ATG12: variants seen among roughly 807,000 people sequenced by gnomAD.
The protein encoded by ATG12 is ubiquitin-like protein ATG12.
Under a neutral mutation model 17.6 loss-of-function variants are expected in ATG12, and 19 were observed. The observed-to-expected ratio is 1.08, with a 90% confidence interval of 0.75 to 1.58. The LOEUF (loss-of-function observed/expected upper bound fraction) is 1.58, where lower values mean the gene tolerates loss of function less well. Ranked by LOEUF, ATG12 falls within the 40% of genes most tolerant of loss-of-function variation. The pLI is 0.00. For synonymous variants in ATG12, 75 were observed against 62.4 expected, an observed-to-expected ratio of 1.20 and a Z score of -0.95; for missense variants, 214 against 162.0, an observed-to-expected ratio of 1.32 and a Z score of -1.74.
Position 115,841,534 on chromosome 5 carries a change from A to C in ATG12, c.19T>G (p.Ser7Ala). The C allele has an allele frequency of 1.2e-6, 2 of 1,613,200 alleles. No homozygotes were observed. The highest frequency in any genetic ancestry group is 2.2e-5 in the East Asian group (1 of 44,816). Reference protein sequence around the residue: MAEEPQSVLQLPTSIAA... With the variant: MAEEPQAVLQLPTSIAA... ...ATTGAAGTAGGAAGCTGCAACACAG[A>C]CTGCGGCTCCTCCGCCATCTTGCTT... Residue 7 changes from serine (S) to alanine (A), a missense_variant, in exon 1 of 4, where the codon TCT (serine) becomes GCT (alanine). Coordinates refer to ENST00000509910, the MANE Select transcript of ATG12 (RefSeq NM_004707.4).
intron 2 of ATG12, chr5:115,834,204 G>A (rs1760999438): frequency 6.6e-6 from 1 of 152,224 alleles, no homozygotes; most frequent in African/African-American, 2.4e-5. Context: ...TGTGTTCACA[G>A]AAAACAGCAG....
chr5:115,831,982 T>A, intron 3 of ATG12, 119 bp from the exon 4 acceptor site: 3 of 889,458 alleles, frequency 3.4e-6, no homozygotes, highest in Non-Finnish European at 5.2e-6. Context: ...TTACCTATGT[T>A]ACAGGCTATC....
intron 3 of ATG12, 35 bp downstream of exon 3, chr5:115,832,567 C>CTTTTTTTTTTT (rs1561450485): frequency 1.9e-6 from 2 of 1,031,940 alleles, no homozygotes; most frequent in African/African-American, 3.1e-5. Flanking sequence ...GCAGTAATTT[C>CTTTTTTTTTTT]TTTCTTTTTT....
rs770964126 is a variant in ATG12, at chr5:115,829,186, A to T, written c.*2618T>A. On this transcript the variant is annotated 3_prime_UTR_variant, in exon 4 of 4. Coordinates refer to ENST00000509910, the MANE Select transcript of ATG12 (RefSeq NM_004707.4). ...GCCTGTAGCTGGCTTCCTTAGTGCC[A>T]AAAGTTTACTCAGCATATTATAATC... 3 of 152,238 alleles carry T rather than the reference A, an allele frequency of 2.0e-5. No individual in the cohort carries two copies. The highest frequency in any genetic ancestry group is 4.4e-5 in the Non-Finnish European group (3 of 68,048). The allele number at this position is 152,238 out of a possible 1,614,324, so 9.4% of individuals were successfully genotyped here.
Position 115,831,694 on chromosome 5 carries a change from T to A in ATG12, c.*110A>T. On this transcript the variant is annotated 3_prime_UTR_variant, in exon 4 of 4. Transcript: ENST00000509910. ...GCATAAACATAGAGTAGACACATAC[T>A]AAATAGATCACATCTGTTAAGTCTC... 1 of 994,778 alleles carries A rather than the reference T, an allele frequency of 1.0e-6. No individual in the cohort carries two copies. The highest frequency in any genetic ancestry group is 1.4e-5 in the South Asian group (1 of 70,920). The allele number at this position is 994,778 out of a possible 1,614,324, so 61.6% of individuals were successfully genotyped here.
At position 115,835,911 on chromosome 5, in the gene ATG12, C is replaced by G. The variant is rs115688986; in HGVS notation, c.300+1717G>C. 8.1e-3 allele frequency among the ~76,000 whole-genome samples: 1,232 copies of G among 152,146 alleles called. 17 individuals are homozygous for G. Among genetic ancestry groups the G allele is most frequent in the African/African-American group, 0.028 (1,151 of 41,488 alleles). The stretch of plus-strand genomic sequence containing the variant: ...TTATCACCTAGTTTTGTTACAAATA[C>G]TAATCAGGGGTTTTTGGTTTTGCTA... On this transcript the variant is annotated intron_variant, in intron 2 of 3. Transcript: ENST00000509910.
intron 1 of ATG12, among the ~76,000 whole-genome samples, chr5:115,839,953 T>C (rs907835554): frequency 5.9e-5 from 9 of 152,234 alleles, no homozygotes; most frequent in African/African-American, 1.4e-4. Flanking sequence ...CAAGAAAATA[T>C]GCCCTCGGGC....
chr5:115,829,198 A>G lies in ATG12; in HGVS notation c.*2606T>C, dbSNP rs1260644019. The stretch of plus-strand genomic sequence containing the variant: ...CTTCCTTAGTGCCAAAAGTTTACTC[A>G]GCATATTATAATCCTTGGAAAATGA... On this transcript the variant is annotated 3_prime_UTR_variant, in exon 4 of 4. Transcript: ENST00000509910. 6.6e-6 allele frequency: 1 copy of G among 152,222 alleles called. No homozygotes were observed. The highest frequency in any genetic ancestry group is 1.5e-5 in the Non-Finnish European group (1 of 68,038). The allele number at this position is 152,222 out of a possible 1,614,324, so 9.4% of individuals were successfully genotyped here.
In ATG12 at chr5:115,837,770, A is replaced by G; in HGVS notation, c.164-6T>C. 1 of 1,587,586 alleles carries G rather than the reference A, an allele frequency of 6.3e-7. No homozygotes were observed. Among genetic ancestry groups the G allele is most frequent in the Non-Finnish European group, 8.5e-7 (1 of 1,171,768 alleles). On this transcript the variant is annotated splice_region_variant and splice_polypyrimidine_tract_variant and intron_variant, in intron 1 of 3. Transcript: ENST00000509910. ...AGCCTTTAGCAAAATGTCAACTGTA[A>G]AAGAAGAATAAAATTTACTGACAAT...
chr5:115,837,862 C>T (rs1413947177), intron 1 of ATG12, 98 bp from the exon 2 acceptor site: 11 of 985,886 alleles, frequency 1.1e-5, no homozygotes, highest in Middle Eastern at 4.4e-4. Flanking sequence ...TAATCTACAT[C>T]CATCTTACGT....
chr5:115,835,809 T>C (rs977441867), intron 2 of ATG12, among the ~76,000 whole-genome samples: 1 of 152,222 alleles, frequency 6.6e-6, no homozygotes. Context: ...TCAGCACAGA[T>C]GCTGATACCA....
At chr5:115,831,980 G>T (rs1270947293) in intron 3 of ATG12, 117 bp from the exon 4 acceptor site, 2 of 898,276 alleles carry the variant, frequency 2.2e-6, no homozygotes, top group African/African-American at 1.7e-5. Flanking sequence ...AGTTACCTAT[G>T]TTACAGGCTA....
At chr5:115,832,439 T>A (rs936011956) in intron 3 of ATG12, among the ~76,000 whole-genome samples, 163 bp downstream of exon 3, 1 of 151,970 alleles carries the variant, frequency 6.6e-6, no homozygotes, top group Non-Finnish European at 1.5e-5. Flanking sequence ...AAGAAAGTCA[T>A]CTTTTCTACC....
intron 1 of ATG12, chr5:115,840,685 T>C: frequency 8.3e-7 from 1 of 1,203,962 alleles, no homozygotes. Context: ...ATATGCTGCT[T>C]TTCCCATAGG....
intron 2 of ATG12, chr5:115,833,695 T>C (rs984586055): frequency 5.9e-5 from 9 of 152,212 alleles, no homozygotes; most frequent in African/African-American, 1.9e-4. Context: ...AAATAGTTCA[T>C]GCTGAAATAT....
intron 2 of ATG12, among the ~76,000 whole-genome samples, chr5:115,834,543 CTTTT>C (rs951547474): frequency 7.2e-5 from 11 of 151,982 alleles, no homozygotes; most frequent in Non-Finnish European, 2.9e-5. Context: ...TTTAAATCAG[CTTTT>C]TTTTCTTTCT....
chr5:115,834,910 T>C (rs1224342281), intron 2 of ATG12: 1 of 152,186 alleles, frequency 6.6e-6, no homozygotes, highest in East Asian at 1.9e-4. Flanking sequence ...TAGTTTCAAA[T>C]CTCTTACCTT....
rs1281493208 is a variant in ATG12, at chr5:115,830,745, G to GA, written c.*1058_*1059insT. On this transcript the variant is annotated 3_prime_UTR_variant, in exon 4 of 4. Coordinates refer to ENST00000509910, the MANE Select transcript of ATG12 (RefSeq NM_004707.4). The stretch of plus-strand genomic sequence containing the variant: ...CTAACCAGGCTGGTCTCAAACTTGT[G>GA]GCTTCACGCAATCCCCACACCTCAG... 6.6e-6 allele frequency: 1 copy of GA among 151,840 alleles called. No individual in the cohort carries two copies. The highest frequency in any genetic ancestry group is 1.9e-4 in the East Asian group (1 of 5,176). The allele number at this position is 151,840 out of a possible 1,614,324, so 9.4% of individuals were successfully genotyped here.
intron 2 of ATG12, 93 bp downstream of exon 2, chr5:115,837,535 C>T (rs1761157204): frequency 7.7e-7 from 1 of 1,302,640 alleles, no homozygotes; most frequent in Non-Finnish European, 1.1e-6. Flanking sequence ...ACATATGTGG[C>T]TCCATATGCA....
Sources: allele counts gnomAD v4.1 joint callset (sites outside exome capture counted in the v4.1 genomes callset), GRCh38; gene constraint gnomAD v4.1.1; transcripts MANE v1.5; gene names NCBI Gene and HGNC (gene_info 2026-07-23, HGNC 2026-07-21).